RHBDL2: variants seen among roughly 807,000 people sequenced by gnomAD.
RHBDL2 encodes the protein rhomboid-related protein 2.
A neutral mutation model predicts 31.7 loss-of-function variants in RHBDL2; 26 were observed. The ratio of observed to expected loss-of-function variants is 0.82; its 90% CI spans 0.60 to 1.14. The LOEUF (loss-of-function observed/expected upper bound fraction) is 1.14, where lower values mean the gene tolerates loss of function less well. RHBDL2 is among the 50% of genes most tolerant of loss of function. The pLI, the probability that RHBDL2 is intolerant of heterozygous loss-of-function variation, is 0.00. For missense variants in RHBDL2, 336 were observed against 364.4 expected (o/e 0.92, Z 0.63); for synonymous variants, 123 against 127.2 (o/e 0.97, Z 0.22).
chr1:38,903,695 T>A (rs1031583103), intron 4 of RHBDL2, among the ~76,000 whole-genome samples: 7 of 151,918 alleles, frequency 4.6e-5, no homozygotes, highest in Non-Finnish European at 1.0e-4. Context: ...CCCAGCAGAT[T>A]TTTTTTTAGA....
intron 6 of RHBDL2, among the ~76,000 whole-genome samples, chr1:38,891,579 T>C (rs927735301): frequency 1.3e-5 from 2 of 152,252 alleles, no homozygotes; most frequent in African/African-American, 4.8e-5. Context: ...GCAGCAGCTC[T>C]GCTGCCTCCC....
intron 4 of RHBDL2, among the ~76,000 whole-genome samples, chr1:38,902,424 ATT>A (rs55866849): frequency 8.6e-4 from 110 of 127,936 alleles, no homozygotes; most frequent in African/African-American, 1.2e-3. Context: ...TTTTTTTATT[ATT>A]TTTTTTTTTT....
chr1:38,906,031 C>A (rs1643061664), intron 4 of RHBDL2, among the ~76,000 whole-genome samples: 1 of 149,608 alleles, frequency 6.7e-6, no homozygotes, highest in African/African-American at 2.5e-5. Flanking sequence ...CGTGCCATTG[C>A]ACTCCAGCTT....
Position 38,941,720 on chromosome 1 carries a change from TC to T in RHBDL2, c.-165del, listed in dbSNP as rs1475594265. On this transcript the variant is annotated 5_prime_UTR_variant, in exon 1 of 8. Coordinates refer to ENST00000372990, the MANE Select transcript of RHBDL2 (RefSeq NM_017821.5). ...GGTAGGGGCGTCCCAGCCCACGCCC[TC>T]CGGTCCTTGCGTTCCAGGCTTCCTG... The T allele has an allele frequency of 6.6e-6, 1 of 152,496 alleles. No homozygotes were observed. The highest frequency in any genetic ancestry group is 1.5e-5 in the Non-Finnish European group (1 of 68,302). 9.4% of individuals were successfully genotyped at this position (152,496 alleles called of 1,614,324 possible).
intron 2 of RHBDL2, among the ~76,000 whole-genome samples, chr1:38,918,431 C>A (rs969714412): frequency 6.6e-6 from 1 of 152,168 alleles, no homozygotes; most frequent in Non-Finnish European, 1.5e-5. Flanking sequence ...TTGGGATAGT[C>A]ATCCCACCTC....
intron 1 of RHBDL2, among the ~76,000 whole-genome samples, chr1:38,931,553 G>T (rs1026093680): frequency 2.0e-5 from 3 of 151,366 alleles, no homozygotes; most frequent in Non-Finnish European, 4.4e-5. Context: ...AAAGAAAAAA[G>T]AAATCTGCAT....
chr1:38,941,505 T>C (rs539707993), intron 1 of RHBDL2, among the ~76,000 whole-genome samples, 177 bp downstream of exon 1: 2 of 152,112 alleles, frequency 1.3e-5, no homozygotes, highest in African/African-American at 2.4e-5. Flanking sequence ...AAAATGAAAG[T>C]AGCAGGATCC....
At chr1:38,917,048 T>C (rs1643247670) in intron 2 of RHBDL2, among the ~76,000 whole-genome samples, 1 of 146,184 alleles carries the variant, frequency 6.8e-6, no homozygotes, top group Admixed American at 6.8e-5. Context: ...GATGGAGTCT[T>C]GCTCTGTAGC....
At chr1:38,887,937 TTA>T (rs762098885) in intron 7 of RHBDL2, 24 bp downstream of exon 7, 1 of 1,532,778 alleles carries the variant, frequency 6.5e-7, no homozygotes, top group Non-Finnish European at 9.0e-7. Context: ...AATTTCTATT[TTA>T]TAAAAGAAAG....
chr1:38,887,886 C>T (rs1371871420), intron 7 of RHBDL2, 77 bp downstream of exon 7: 6 of 1,019,836 alleles, frequency 5.9e-6, no homozygotes, highest in East Asian at 4.9e-5. Context: ...TAAATCACAG[C>T]GTTGTAACCC....
chr1:38,940,179 A>G (rs1188184476), intron 1 of RHBDL2, among the ~76,000 whole-genome samples: 1 of 152,158 alleles, frequency 6.6e-6, no homozygotes, highest in African/African-American at 2.4e-5. Flanking sequence ...ATTATGATTA[A>G]ATAAGAGAAT....
intron 1 of RHBDL2, among the ~76,000 whole-genome samples, chr1:38,937,827 C>T (rs1643526148): frequency 6.6e-6 from 1 of 152,094 alleles, no homozygotes; most frequent in Non-Finnish European, 1.5e-5. Flanking sequence ...GGGCAAAGTA[C>T]CAGTCATCAG....
intron 1 of RHBDL2, among the ~76,000 whole-genome samples, chr1:38,924,371 G>A (rs1439713712): frequency 6.6e-6 from 1 of 152,096 alleles, no homozygotes; most frequent in Non-Finnish European, 1.5e-5. Context: ...GAGGCAGGCG[G>A]ATCACAAGGT....
chr1:38,916,493 C>T (rs1391515847), intron 2 of RHBDL2, among the ~76,000 whole-genome samples: 1 of 152,056 alleles, frequency 6.6e-6, no homozygotes, highest in Non-Finnish European at 1.5e-5. Flanking sequence ...TGGTAAAAAT[C>T]CAGGTAAATC....
At chr1:38,938,960 G>T (rs1643536482) in intron 1 of RHBDL2, among the ~76,000 whole-genome samples, 1 of 152,156 alleles carries the variant, frequency 6.6e-6, no homozygotes, top group African/African-American at 2.4e-5. Context: ...TACTCACAAA[G>T]AATTCATTGA....
intron 4 of RHBDL2, among the ~76,000 whole-genome samples, chr1:38,899,935 C>T (rs1198703261): frequency 6.6e-6 from 1 of 152,202 alleles, no homozygotes; most frequent in African/African-American, 2.4e-5. Flanking sequence ...TCCTCCTCTG[C>T]TTTTCTGCCC....
At chr1:38,930,108 C>G (rs190093576) in intron 1 of RHBDL2, among the ~76,000 whole-genome samples, 1 of 152,222 alleles carries the variant, frequency 6.6e-6, no homozygotes, top group Non-Finnish European at 1.5e-5. Context: ...CACTCTGCGT[C>G]AAAAGTTTCT....
chr1:38,910,346 TG>T (rs1643123097), intron 4 of RHBDL2, among the ~76,000 whole-genome samples: 1 of 152,222 alleles, frequency 6.6e-6, no homozygotes, highest in African/African-American at 2.4e-5. Flanking sequence ...TGGGGATCGC[TG>T]GTTTAAAGGG....
intron 4 of RHBDL2, among the ~76,000 whole-genome samples, chr1:38,900,049 G>A (rs1191806089): frequency 2.6e-5 from 4 of 152,204 alleles, no homozygotes; most frequent in Non-Finnish European, 4.4e-5. Flanking sequence ...AGGGTCCAGT[G>A]GTGGGAATAA....
Sources: gnomAD v4.1 joint callset for allele counts (sites outside exome capture counted in the v4.1 genomes callset) on GRCh38, gnomAD v4.1.1 for gene constraint, MANE v1.5 for transcripts, NCBI Gene and HGNC (gene_info 2026-07-23, HGNC 2026-07-21) for gene names.